KCNAB1: variants seen among roughly 807,000 people sequenced by gnomAD.
KCNAB1 encodes potassium voltage-gated channel subfamily A regulatory beta subunit 1.
A neutral mutation model predicts 64.6 loss-of-function variants in KCNAB1; 35 were observed. That is an observed-to-expected ratio of 0.54 (90% CI 0.41 to 0.72). The LOEUF (loss-of-function observed/expected upper bound fraction) is 0.72. Ranked by LOEUF, KCNAB1 falls within the 30% of genes least tolerant of loss-of-function variation. KCNAB1 has a pLI of 0.00. For missense variants in KCNAB1, 401 were observed against 512.9 expected, an observed-to-expected ratio of 0.78 and a Z score of 2.11; for synonymous variants, 177 against 183.8, an observed-to-expected ratio of 0.96 and a Z score of 0.30.
At chr3:156,311,156 G>A (rs979818340) in intron 1 of KCNAB1, among the ~76,000 whole-genome samples, 2 of 152,124 alleles carry the variant, frequency 1.3e-5, no homozygotes, top group African/African-American at 4.8e-5. Context: ...AATTAAATAT[G>A]AGGTCAACAT....
chr3:156,175,266 A>T (rs914671626), intron 1 of KCNAB1, among the ~76,000 whole-genome samples: 1 of 152,220 alleles, frequency 6.6e-6, no homozygotes, highest in Non-Finnish European at 1.5e-5. Context: ...CCAACCAGCA[A>T]ATTTGTCACA....
chr3:156,514,983 A>G, intron 9 of KCNAB1, 117 bp from the exon 10 acceptor site: 1 of 1,010,268 alleles, frequency 9.9e-7, no homozygotes, highest in Non-Finnish European at 1.4e-6. Flanking sequence ...TTGGCATCCT[A>G]CATGTTTCTT....
At chr3:156,417,388 G>C (rs1715149579) in intron 1 of KCNAB1, among the ~76,000 whole-genome samples, 2 of 152,192 alleles carry the variant, frequency 1.3e-5, no homozygotes, top group Non-Finnish European at 2.9e-5. Context: ...GCCTGACACA[G>C]CTGCTGGAGC....
chr3:156,160,380 A>G (rs1356052898), intron 1 of KCNAB1, among the ~76,000 whole-genome samples: 3 of 152,214 alleles, frequency 2.0e-5, no homozygotes, highest in African/African-American at 4.8e-5. Context: ...TAGAACAACT[A>G]TAAAACATGT....
At chr3:156,361,502 T>C (rs1725610365) in intron 1 of KCNAB1, among the ~76,000 whole-genome samples, 1 of 152,196 alleles carries the variant, frequency 6.6e-6, no homozygotes, top group South Asian at 2.1e-4. Flanking sequence ...TACACACACA[T>C]AAAGGTATTT....
intron 1 of KCNAB1, among the ~76,000 whole-genome samples, chr3:156,309,719 T>C (rs979930427): frequency 2.6e-4 from 40 of 152,332 alleles, no homozygotes; most frequent in African/African-American, 9.4e-4. Context: ...AAGAAAGAGC[T>C]GGCCTATGCT....
chr3:156,257,559 G>A (rs1439909871), intron 1 of KCNAB1, among the ~76,000 whole-genome samples: 2 of 152,142 alleles, frequency 1.3e-5, no homozygotes, highest in East Asian at 3.8e-4. Flanking sequence ...ACACAATAAA[G>A]AAGTTTGAAG....
At chr3:156,461,885 T>A (rs1260094846) in intron 5 of KCNAB1, among the ~76,000 whole-genome samples, 5 of 152,220 alleles carry the variant, frequency 3.3e-5, no homozygotes, top group Non-Finnish European at 5.9e-5. Context: ...GTGAGACTGG[T>A]GAAAAGATAA....
intron 1 of KCNAB1, among the ~76,000 whole-genome samples, chr3:156,295,463 A>G (rs192441400): frequency 6.6e-6 from 1 of 152,314 alleles, no homozygotes; most frequent in Non-Finnish European, 1.5e-5. Context: ...GAAAGAATTA[A>G]TGTATACTTG....
chr3:156,442,213 G>A (rs1424931263), intron 2 of KCNAB1, among the ~76,000 whole-genome samples: 4 of 152,144 alleles, frequency 2.6e-5, no homozygotes, highest in Non-Finnish European at 5.9e-5. Flanking sequence ...TCCAAGTATG[G>A]AGAGTAGGTC....
At chr3:156,360,558 T>A (rs998463212) in intron 1 of KCNAB1, among the ~76,000 whole-genome samples, 1 of 151,746 alleles carries the variant, frequency 6.6e-6, no homozygotes, top group Non-Finnish European at 1.5e-5. Context: ...AAAATAAAAA[T>A]AAAAAATTAG....
intron 8 of KCNAB1, among the ~76,000 whole-genome samples, chr3:156,477,454 G>C (rs964088234): frequency 6.6e-6 from 1 of 152,066 alleles, no homozygotes; most frequent in African/African-American, 2.4e-5. Context: ...ACCTCATGCT[G>C]GAATGTTGCC....
intron 4 of KCNAB1, among the ~76,000 whole-genome samples, chr3:156,457,761 G>A (rs964949801): frequency 3.9e-5 from 6 of 152,288 alleles, no homozygotes; most frequent in Admixed American, 3.9e-4. Context: ...TGAAGAATGG[G>A]CTGAAGGGGT....
intron 1 of KCNAB1, among the ~76,000 whole-genome samples, chr3:156,142,223 G>T (rs145311651): frequency 1.3e-5 from 2 of 152,086 alleles, no homozygotes; most frequent in African/African-American, 4.8e-5. Context: ...TCCCCTTCAC[G>T]TGGTATTTCA....
At chr3:156,528,086 G>C (rs941670819) in intron 12 of KCNAB1, among the ~76,000 whole-genome samples, 5 of 151,388 alleles carry the variant, frequency 3.3e-5, no homozygotes, top group African/African-American at 1.2e-4. Context: ...TAGTTTATGG[G>C]CAATAATTTA....
At chr3:156,261,007 T>C (rs780229791) in intron 1 of KCNAB1, among the ~76,000 whole-genome samples, 48 of 152,158 alleles carry the variant, frequency 3.2e-4, no homozygotes, top group Admixed American at 1.8e-3. Context: ...AGGTTGAAAA[T>C]CTTTTCATGT....
chr3:156,419,369 G>C (rs371573252), intron 1 of KCNAB1, among the ~76,000 whole-genome samples: 3 of 151,766 alleles, frequency 2.0e-5, no homozygotes, highest in African/African-American at 4.8e-5. Flanking sequence ...GGCGTGGTGG[G>C]GGGTGCCTGT....
chr3:156,224,715 G>A (rs1013279223), intron 1 of KCNAB1, among the ~76,000 whole-genome samples: 3 of 152,090 alleles, frequency 2.0e-5, no homozygotes, highest in African/African-American at 7.2e-5. Flanking sequence ...ATCCAAATGA[G>A]CTCCATTAGA....
rs189492592 is a variant in KCNAB1, at chr3:156,373,233, A to G, written c.276-48383A>G. 4.5e-3 allele frequency among the ~76,000 whole-genome samples: 678 copies of G among 152,340 alleles called. 7 individuals are homozygous for G. Among genetic ancestry groups the G allele is most frequent in the African/African-American group, 0.014 (594 of 41,592 alleles). On this transcript the variant is annotated intron_variant, in intron 1 of 13. Transcript: ENST00000490337. ...CATCCCAACACAACAGGGCAAATCCACAAAGCAATCTCATCTACTGAAAAA... is the reference window on the plus strand; with the variant it reads ...CATCCCAACACAACAGGGCAAATCCGCAAAGCAATCTCATCTACTGAAAAA...
Sources: allele counts gnomAD v4.1 joint callset (sites outside exome capture counted in the v4.1 genomes callset), GRCh38; gene constraint gnomAD v4.1.1; transcripts MANE v1.5; gene names NCBI Gene and HGNC (gene_info 2026-07-23, HGNC 2026-07-21).